The following TANC2 variants were observed in gnomAD, a reference collection of about 807,000 sequenced individuals.
TANC2 encodes the protein tetratricopeptide repeat, ankyrin repeat and coiled-coil containing 2.
Under a neutral mutation model 210.5 loss-of-function variants are expected in TANC2, and 26 were observed. The ratio of observed to expected loss-of-function variants is 0.12; its 90% confidence interval spans 0.09 to 0.17. The LOEUF (loss-of-function observed/expected upper bound fraction) is 0.17, where lower values mean the gene tolerates loss of function less well. Ranked by LOEUF, TANC2 falls within the 10% of genes least tolerant of loss-of-function variation. The pLI, the probability that TANC2 is intolerant of heterozygous loss-of-function variation, is 1.00. For synonymous variants in TANC2, 931 were observed against 967.1 expected (o/e 0.96, Z 0.69); for missense variants, 2,129 against 2,608.9 (o/e 0.82, Z 4.01).
At chr17:63,191,343 A>G (rs1389309619) in intron 5 of TANC2, among the ~76,000 whole-genome samples, 1 of 147,242 alleles carries the variant, frequency 6.8e-6, no homozygotes, top group Non-Finnish European at 1.5e-5. Flanking sequence ...TGGTGCCATA[A>G]TGGCAAAAAC....
intron 21 of TANC2, among the ~76,000 whole-genome samples, 170 bp from the exon 22 acceptor site, chr17:63,411,341 A>G (rs1599068724): frequency 6.6e-6 from 1 of 152,228 alleles, no homozygotes; most frequent in African/African-American, 2.4e-5. Context: ...AGCTTATAGG[A>G]TGAACTTTTA....
chr17:63,378,943 AC>A (rs78596255), intron 14 of TANC2, among the ~76,000 whole-genome samples: 4,995 of 152,216 alleles, frequency 0.033, 518 homozygotes, highest in East Asian at 0.24. Context: ...AGTACAATAG[AC>A]AGTTGGATAT....
intron 1 of TANC2, among the ~76,000 whole-genome samples, chr17:62,971,906 C>T (rs970384108): frequency 1.3e-5 from 2 of 152,202 alleles, no homozygotes; most frequent in African/African-American, 4.8e-5. Context: ...CTCTGCCCCC[C>T]TACCCTCTGG....
At chr17:63,279,821 G>A (rs1170009576) in intron 9 of TANC2, among the ~76,000 whole-genome samples, 3 of 151,992 alleles carry the variant, frequency 2.0e-5, no homozygotes, top group Non-Finnish European at 4.4e-5. Context: ...TATGTCTTAT[G>A]AGTGAGATAA....
At chr17:63,031,149 T>G (rs1430875593) in intron 2 of TANC2, among the ~76,000 whole-genome samples, 2 of 152,120 alleles carry the variant, frequency 1.3e-5, no homozygotes, top group East Asian at 1.9e-4. Flanking sequence ...TTTCTATGAT[T>G]GTTCTTGACC....
chr17:63,248,492 G>A (rs1427162351), intron 8 of TANC2, among the ~76,000 whole-genome samples: 1 of 151,942 alleles, frequency 6.6e-6, no homozygotes, highest in Non-Finnish European at 1.5e-5. Context: ...ATTTATTTTA[G>A]AGACCAAATG....
chr17:62,990,492 C>T (rs2032804461), intron 1 of TANC2, among the ~76,000 whole-genome samples: 1 of 151,786 alleles, frequency 6.6e-6, no homozygotes, highest in Admixed American at 6.6e-5. Flanking sequence ...CCTATGTTGC[C>T]CAGGCTGGTC....
chr17:63,270,557 T>C (rs2043669137), intron 9 of TANC2, among the ~76,000 whole-genome samples: 1 of 152,172 alleles, frequency 6.6e-6, no homozygotes, highest in Non-Finnish European at 1.5e-5. Context: ...AAAAAAGTAA[T>C]GAAATGATTG....
chr17:63,398,786 C>A, intron 18 of TANC2, 35 bp from the exon 19 acceptor site: 2 of 1,479,912 alleles, frequency 1.4e-6, no homozygotes, highest in Non-Finnish European at 1.8e-6. Flanking sequence ...TAGTTTTCCA[C>A]CTGAAGTTTG....
At chr17:63,138,735 T>C (rs988068184) in intron 4 of TANC2, among the ~76,000 whole-genome samples, 1 of 152,248 alleles carries the variant, frequency 6.6e-6, no homozygotes, top group African/African-American at 2.4e-5. Context: ...TATTTCAAAG[T>C]GTGGTAACAC....
At chr17:63,368,931 G>A (rs75642517) in intron 14 of TANC2, among the ~76,000 whole-genome samples, 2,511 of 152,250 alleles carry the variant, frequency 0.016, 31 homozygotes, top group Middle Eastern at 0.031. Flanking sequence ...TATCAAAAGG[G>A]CAACTTAAAG....
intron 7 of TANC2, among the ~76,000 whole-genome samples, chr17:63,234,283 C>T (rs2042560235): frequency 6.6e-6 from 1 of 152,164 alleles, no homozygotes; most frequent in African/African-American, 2.4e-5. Context: ...TTCTTCAGAG[C>T]TTAGCTTATG....
chr17:63,221,072 T>A (rs2042174795), intron 7 of TANC2, among the ~76,000 whole-genome samples: 1 of 151,910 alleles, frequency 6.6e-6, no homozygotes, highest in African/African-American at 2.4e-5. Flanking sequence ...AACACAATCA[T>A]TAACCCTAAA....
chr17:63,256,474 A>G (rs2043198272), intron 8 of TANC2, among the ~76,000 whole-genome samples: 2 of 151,888 alleles, frequency 1.3e-5, no homozygotes, highest in South Asian at 4.2e-4. Flanking sequence ...AATTCATATG[A>G]TTTTTTTTAA....
chr17:63,339,482 C>A (rs558440653), intron 11 of TANC2, among the ~76,000 whole-genome samples: 1 of 152,254 alleles, frequency 6.6e-6, no homozygotes, highest in Non-Finnish European at 1.5e-5. Flanking sequence ...GATTTTAAGA[C>A]CTACATCTAA....
intron 1 of TANC2, among the ~76,000 whole-genome samples, chr17:62,984,537 A>G (rs999399038): frequency 2.0e-5 from 3 of 151,428 alleles, no homozygotes; most frequent in Non-Finnish European, 2.9e-5. Context: ...AGTTCCTTTG[A>G]GATGCATCCT....
At chr17:63,228,204 T>A (rs1379327221) in intron 7 of TANC2, among the ~76,000 whole-genome samples, 2 of 152,202 alleles carry the variant, frequency 1.3e-5, no homozygotes, top group African/African-American at 4.8e-5. Flanking sequence ...CCCCATTACT[T>A]GTTTTTGTTA....
chr17:63,381,516 T>C lies in TANC2; in HGVS notation c.2691+1690T>C, dbSNP rs191554899. ...ACCAGCTGTGGGTCAAAGACAAATA[T>C]AGACTTTATGGTTAGAAATAGTTCC... is the stretch of plus-strand genomic sequence containing the variant. On this transcript the variant is annotated intron_variant, in intron 15 of 27. Coordinates refer to ENST00000689528, the Ensembl canonical transcript of TANC2. 7.2e-4 allele frequency: 110 copies of C among 152,328 alleles called. 1 individual carries two copies. The highest frequency in any genetic ancestry group is 2.5e-3 in the African/African-American group (106 of 41,576). The allele number at this position is 152,328 out of a possible 1,614,324, so 9.4% of individuals were successfully genotyped here. A position where few individuals can be genotyped will look rare whatever the true frequency, so the allele number is the denominator to read the frequency against.
chr17:63,156,787 T>G (rs759486429), intron 5 of TANC2, among the ~76,000 whole-genome samples: 8 of 152,086 alleles, frequency 5.3e-5, no homozygotes, highest in Non-Finnish European at 1.0e-4. Context: ...CACCAACTCC[T>G]GGGCTCAAGC....
Sources: gnomAD v4.1 joint callset for allele counts (sites outside exome capture counted in the v4.1 genomes callset) on GRCh38, gnomAD v4.1.1 for gene constraint, MANE v1.5 for transcripts, NCBI Gene and HGNC (gene_info 2026-07-23, HGNC 2026-07-21) for gene names.